Variants in SGCZ observed in about 807,000 individuals in gnomAD.
SGCZ encodes the protein zeta-sarcoglycan.
In SGCZ, 40 loss-of-function variants were observed where a neutral mutation model predicts 41.3. The ratio of observed to expected loss-of-function variants is 0.97; its 90% CI spans 0.75 to 1.26. SGCZ has a LOEUF of 1.26. Ranked by LOEUF, SGCZ falls within the 50% of genes most tolerant of loss-of-function variation. The probability of loss-of-function intolerance (pLI) is 0.00; values close to 1 mark genes in which losing one functional copy is unlikely to be tolerated. For synonymous variants in SGCZ, 206 were observed against 137.5 expected, an observed-to-expected ratio of 1.50 and a Z score of -3.49; for missense variants, 552 against 369.8, an observed-to-expected ratio of 1.49 and a Z score of -4.04.
At chr8:14,622,535 AAG>A (rs1403877225) in intron 1 of SGCZ, among the ~76,000 whole-genome samples, 1 of 150,766 alleles carries the variant, frequency 6.6e-6, no homozygotes, top group Non-Finnish European at 1.5e-5. Context: ...TGTCACCTGA[AAG>A]AGTGTTGCTG....
At chr8:14,696,041 C>T (rs1417437364) in intron 1 of SGCZ, among the ~76,000 whole-genome samples, 7 of 152,030 alleles carry the variant, frequency 4.6e-5, no homozygotes, top group Non-Finnish European at 1.0e-4. Context: ...ATCCAGAGAG[C>T]TCCCGGGACA....
At chr8:14,787,692 C>A (rs576482328) in intron 1 of SGCZ, among the ~76,000 whole-genome samples, 18 of 151,978 alleles carry the variant, frequency 1.2e-4, no homozygotes, top group African/African-American at 4.3e-4. Context: ...ACTAAAATTA[C>A]AAAATTAGCC....
At chr8:14,663,952 C>G (rs1330972987) in intron 1 of SGCZ, among the ~76,000 whole-genome samples, 4 of 152,110 alleles carry the variant, frequency 2.6e-5, no homozygotes, top group African/African-American at 9.7e-5. Flanking sequence ...GGCTTAGACA[C>G]TTAGCTGCAG....
intron 4 of SGCZ, among the ~76,000 whole-genome samples, chr8:14,231,645 G>A (rs928115483): frequency 2.0e-5 from 3 of 151,414 alleles, no homozygotes; most frequent in African/African-American, 7.3e-5. Context: ...TACCCTTTTT[G>A]TTATGAATCC....
intron 1 of SGCZ, among the ~76,000 whole-genome samples, chr8:14,863,883 C>G (rs1803838556): frequency 6.6e-6 from 1 of 152,078 alleles, no homozygotes; most frequent in Non-Finnish European, 1.5e-5. Flanking sequence ...GGGCTGTGAT[C>G]TCTCTTTAGA....
At position 14,128,883 on chromosome 8, in the gene SGCZ, A is replaced by G. The variant is rs766029404; in HGVS notation, c.548-20648T>C. Among the ~76,000 whole-genome samples, 152 of 152,312 alleles carry G rather than the reference A, an allele frequency of 1.0e-3. 1 individual carries two copies. The highest frequency in any genetic ancestry group is 2.0e-3 in the Non-Finnish European group (139 of 68,022). ...TATTCTCACTTCTAAGTGGGAGTTAAATAACAGCCATACAGAGTGGAATAA... is the reference window on the plus strand; with the variant it reads ...TATTCTCACTTCTAAGTGGGAGTTAGATAACAGCCATACAGAGTGGAATAA... On this transcript the variant is annotated intron_variant, in intron 5 of 7. Transcript: ENST00000382080.
At chr8:14,462,714 T>G (rs1360033056) in intron 2 of SGCZ, among the ~76,000 whole-genome samples, 3 of 151,964 alleles carry the variant, frequency 2.0e-5, no homozygotes, top group African/African-American at 4.8e-5. Context: ...CCCAGGACAT[T>G]CTATATAAAT....
intron 1 of SGCZ, among the ~76,000 whole-genome samples, chr8:14,608,666 G>C (rs1805830628): frequency 6.6e-6 from 1 of 151,806 alleles, no homozygotes; most frequent in Admixed American, 6.6e-5. Context: ...GCTGGTGGAA[G>C]CTGTTTGGGT....
chr8:15,185,022 C>T (rs1238282835), intron 1 of SGCZ, among the ~76,000 whole-genome samples: 1 of 152,138 alleles, frequency 6.6e-6, no homozygotes, highest in Non-Finnish European at 1.5e-5. Flanking sequence ...TCCCAGGTTG[C>T]TTTTTAGCTC....
intron 1 of SGCZ, among the ~76,000 whole-genome samples, chr8:15,106,043 C>T (rs997534469): frequency 1.3e-5 from 2 of 152,054 alleles, no homozygotes; most frequent in Non-Finnish European, 2.9e-5. Flanking sequence ...TATACAAATC[C>T]CAAATTGATT....
intron 5 of SGCZ, among the ~76,000 whole-genome samples, chr8:14,131,387 C>T (rs778505015): frequency 6.6e-6 from 1 of 152,196 alleles, no homozygotes; most frequent in South Asian, 2.1e-4. Context: ...CAAACACCTA[C>T]AGTTCTTGGT....
chr8:14,413,517 C>A lies in SGCZ; in HGVS notation c.235-89313G>T, dbSNP rs998062688. Among the ~76,000 whole-genome samples the A allele has an allele frequency of 2.3e-4, 35 of 152,048 alleles. No individual in the cohort carries two copies. In the Middle Eastern group the frequency reaches 0.01, roughly 44 times the overall value. ...GCTGAGTGCAATAATCTTATACAAG[C>A]TAAATGGATGTTTCAGGATTACATA... is the stretch of plus-strand genomic sequence containing the variant. On this transcript the variant is annotated intron_variant, in intron 2 of 7. Transcript: ENST00000382080.
intron 3 of SGCZ, among the ~76,000 whole-genome samples, chr8:14,238,146 T>C (rs979190078): frequency 6.6e-6 from 1 of 152,210 alleles, no homozygotes; most frequent in African/African-American, 2.4e-5. Flanking sequence ...AAACTCCCAA[T>C]GTCCATTTAG....
intron 2 of SGCZ, among the ~76,000 whole-genome samples, chr8:14,397,414 C>T (rs1428141220): frequency 1.3e-5 from 2 of 151,500 alleles, no homozygotes; most frequent in East Asian, 1.9e-4. Flanking sequence ...AAAGTAATTG[C>T]TTTAATGGCA....
chr8:14,109,226 A>G (rs1221269040), intron 5 of SGCZ, among the ~76,000 whole-genome samples: 1 of 152,206 alleles, frequency 6.6e-6, no homozygotes, highest in East Asian at 1.9e-4. Context: ...CATATACTCT[A>G]ACACTTTTCT....
At chr8:14,529,020 A>G (rs751765131) in intron 2 of SGCZ, among the ~76,000 whole-genome samples, 2 of 152,032 alleles carry the variant, frequency 1.3e-5, no homozygotes, top group African/African-American at 4.8e-5. Context: ...ATCCTATTCA[A>G]TTCTTTCTCA....
chr8:14,308,863 T>C (rs1038065353), intron 3 of SGCZ, among the ~76,000 whole-genome samples: 2 of 152,150 alleles, frequency 1.3e-5, no homozygotes, highest in African/African-American at 4.8e-5. Context: ...AAGCCCTTTC[T>C]TCAGTTAATA....
Position 14,786,839 on chromosome 8 carries a change from T to TAA in SGCZ, c.40-231915_40-231914dup, listed in dbSNP as rs200134491. 8.2e-3 allele frequency among the ~76,000 whole-genome samples: 819 copies of TAA among 99,884 alleles called. 5 individuals carry two copies. The highest frequency in any genetic ancestry group is 0.016 in the East Asian group (38 of 2,360). The allele number at this position is 99,884 out of a possible 152,430, so 65.5% of individuals were successfully genotyped here. A position where few individuals can be genotyped will look rare whatever the true frequency, so the allele number is the denominator to read the frequency against. Reference sequence around the variant, plus strand: ...GAGTGGAAGAGTTGGAAAGCAGGTTTAAAAAAAAAAAACAAAAAACACATA... The same window carrying TAA: ...GAGTGGAAGAGTTGGAAAGCAGGTTTAAAAAAAAAAAAAACAAAAAACACATA... On this transcript the variant is annotated intron_variant, in intron 1 of 7. Transcript: ENST00000382080.
chr8:14,569,886 G>A (rs942425961), intron 1 of SGCZ, among the ~76,000 whole-genome samples: 1 of 151,788 alleles, frequency 6.6e-6, no homozygotes, highest in Non-Finnish European at 1.5e-5. Flanking sequence ...GACCAGAGAG[G>A]TCAAATGCCA....
Sources: gnomAD v4.1 joint callset for allele counts (sites outside exome capture counted in the v4.1 genomes callset) on GRCh38, gnomAD v4.1.1 for gene constraint, MANE v1.5 for transcripts, NCBI Gene and HGNC (gene_info 2026-07-23, HGNC 2026-07-21) for gene names.